CACNA2D2: variants seen among roughly 807,000 people sequenced by gnomAD.
The protein encoded by CACNA2D2 is voltage-dependent calcium channel subunit alpha-2/delta-2.
Under a neutral mutation model 166.4 loss-of-function variants are expected in CACNA2D2, and 48 were observed. The observed-to-expected ratio is 0.29, with a 90% CI of 0.23 to 0.37. The LOEUF is 0.37. Among genes scored for constraint, CACNA2D2 ranks in the 10% least tolerant of loss-of-function variants. The pLI, the probability that CACNA2D2 is intolerant of heterozygous loss-of-function variation, is 1.00. For missense variants in CACNA2D2, 1,122 were observed against 1,433.0 expected (o/e 0.78, Z 3.50); for synonymous variants, 561 against 573.7 (o/e 0.98, Z 0.32).
At position 50,381,005 on chromosome 3, in the gene CACNA2D2, G is replaced by C; in HGVS notation, c.774C>G (p.Arg258=). ...QVFGSATGVT[R]YYPATPWRAP... ...GGGGCTGGTACCTACCCGGGTAGTA[G>C]CGAGTGACTCCTGTGGCGCTGCCGA... The change falls in exon 7 of 38, where the codon CGC becomes CGG. Residue 258 remains arginine, a synonymous_variant. Transcript: ENST00000424201. 1 of 1,613,848 alleles carries C rather than the reference G, an allele frequency of 6.2e-7. No homozygotes were observed.
chr3:50,394,924 A>C (rs1706072212), intron 3 of CACNA2D2, among the ~76,000 whole-genome samples: 1 of 152,192 alleles, frequency 6.6e-6, no homozygotes, highest in Non-Finnish European at 1.5e-5. Context: ...AGGGACAGGA[A>C]GCGCAGTGCT....
chr3:50,490,156 G>A (rs987370527), intron 1 of CACNA2D2, among the ~76,000 whole-genome samples: 1 of 152,006 alleles, frequency 6.6e-6, no homozygotes, highest in Non-Finnish European at 1.5e-5. Context: ...CGGGGCAGAC[G>A]GCTGGGAAGC....
chr3:50,437,440 G>T (rs953124587), intron 2 of CACNA2D2, among the ~76,000 whole-genome samples: 2 of 152,190 alleles, frequency 1.3e-5, no homozygotes, highest in Non-Finnish European at 2.9e-5. Context: ...AAGTGCAGGG[G>T]CTGGTCATGC....
intron 2 of CACNA2D2, among the ~76,000 whole-genome samples, chr3:50,457,824 C>G (rs1032879682): frequency 6.6e-6 from 1 of 152,226 alleles, no homozygotes; most frequent in East Asian, 1.9e-4. Flanking sequence ...CCCTCCTACT[C>G]CCTCAGCTTC....
At chr3:50,373,516 G>A (rs1242885892) in intron 22 of CACNA2D2, among the ~76,000 whole-genome samples, 2 of 112,818 alleles carry the variant, frequency 1.8e-5, no homozygotes, top group Non-Finnish European at 3.7e-5. Flanking sequence ...GAGAAAGCAG[G>A]GAGGGGGAGG....
At position 50,432,001 on chromosome 3, in the gene CACNA2D2, CAAAG is replaced by C. The variant is rs1412460358; in HGVS notation, c.405+2308_405+2311del. Among the ~76,000 whole-genome samples, 218 of 121,840 alleles carry C rather than the reference CAAAG, an allele frequency of 1.8e-3. 1 individual carries two copies. The highest frequency in any genetic ancestry group is 6.0e-3 in the African/African-American group (163 of 27,106). The allele number at this position is 121,840 out of a possible 152,430, so 79.9% of individuals were successfully genotyped here. On this transcript the variant is annotated intron_variant, in intron 3 of 37. Transcript: ENST00000424201. The stretch of plus-strand genomic sequence containing the variant: ...GTCTCAAAAAAAAAAAAAAAAAAAA[CAAAG>C]AAAGAAAAGAAAATAATTTCTGTTT...
chr3:50,428,938 C>A (rs1283395038), intron 3 of CACNA2D2, among the ~76,000 whole-genome samples: 1 of 152,178 alleles, frequency 6.6e-6, no homozygotes, highest in Non-Finnish European at 1.5e-5. Context: ...TGGATTTAAA[C>A]CCTGGTTTTG....
chr3:50,449,988 G>A (rs1559960419), intron 2 of CACNA2D2, among the ~76,000 whole-genome samples: 1 of 152,170 alleles, frequency 6.6e-6, no homozygotes, highest in Non-Finnish European at 1.5e-5. Flanking sequence ...CTCCATGTGA[G>A]GAGGGGTCCA....
At chr3:50,484,451 G>A (rs1295509282) in intron 1 of CACNA2D2, among the ~76,000 whole-genome samples, 1 of 152,128 alleles carries the variant, frequency 6.6e-6, no homozygotes, top group Non-Finnish European at 1.5e-5. Flanking sequence ...AGTCCACCCA[G>A]TGGCCGCACC....
At chr3:50,414,094 G>A (rs1416236799) in intron 3 of CACNA2D2, among the ~76,000 whole-genome samples, 1 of 152,116 alleles carries the variant, frequency 6.6e-6, no homozygotes, top group Non-Finnish European at 1.5e-5. Flanking sequence ...AAATGAGTTA[G>A]ATAGAACCAT....
intron 2 of CACNA2D2, among the ~76,000 whole-genome samples, chr3:50,444,261 G>A (rs1315487651): frequency 6.6e-6 from 1 of 152,198 alleles, no homozygotes; most frequent in Admixed American, 6.5e-5. Context: ...CAGCTGGCTG[G>A]CTTTTCATCT....
chr3:50,469,189 T>C lies in CACNA2D2; in HGVS notation c.288+6929A>G, dbSNP rs962923378. Among the ~76,000 whole-genome samples, 4 of 152,224 alleles carry C rather than the reference T, an allele frequency of 2.6e-5. No individual in the cohort carries two copies. The East Asian group carries it at 5.8e-4, about 22-fold the overall frequency. On this transcript the variant is annotated intron_variant, in intron 2 of 37. Transcript: ENST00000424201. ...GACAAGGTGTCAACTTGTTGACTGA[T>C]TGGAGAAACTGACTCACAGTCTTCC...
At chr3:50,373,683 T>G (rs1169607464) in intron 22 of CACNA2D2, among the ~76,000 whole-genome samples, 253 of 69,954 alleles carry the variant, frequency 3.6e-3, no homozygotes, top group Admixed American at 4.1e-3. Context: ...ATGGAGGAGG[T>G]GAGCAGGAGA....
intron 22 of CACNA2D2, 147 bp downstream of exon 22, chr3:50,374,590 G>A (rs1234753092): frequency 6.6e-6 from 5 of 754,530 alleles, no homozygotes; most frequent in Non-Finnish European, 1.1e-5. Flanking sequence ...CTTTCGAGGT[G>A]CCCCAGCCTG....
At position 50,367,716 on chromosome 3, in the gene CACNA2D2, A is replaced by G; in HGVS notation, c.2235-12T>C. On this transcript the variant is annotated splice_polypyrimidine_tract_variant and intron_variant, in intron 25 of 37. Transcript: ENST00000424201. This position sits in a 1 kb window ranked among gnomAD's most constrained non-coding sequence, Gnocchi z 6.5. ...CCAGTAGGCTGTACCTGGGGGTAGC[A>G]GGGGGGTGGGGTCACAGGCCTGCCT... 2 of 1,611,938 alleles carry G rather than the reference A, an allele frequency of 1.2e-6. No individual in the cohort carries two copies.
At chr3:50,451,212 G>GC (rs1353943076) in intron 2 of CACNA2D2, among the ~76,000 whole-genome samples, 1 of 151,966 alleles carries the variant, frequency 6.6e-6, no homozygotes, top group East Asian at 1.9e-4. Context: ...TGCAACCTCT[G>GC]CCCCCTGGGT....
intron 5 of CACNA2D2, among the ~76,000 whole-genome samples, chr3:50,385,774 G>A (rs1170143033): frequency 3.9e-5 from 6 of 152,198 alleles, no homozygotes; most frequent in Non-Finnish European, 5.9e-5. Context: ...GAGTGGAAGC[G>A]GCCGACTGTG....
Position 50,427,342 on chromosome 3 carries a change from C to T in CACNA2D2, c.405+6971G>A, listed in dbSNP as rs1707849777. Among the ~76,000 whole-genome samples, 1 of 152,260 alleles carries T rather than the reference C, an allele frequency of 6.6e-6. No homozygotes were observed. Among genetic ancestry groups the T allele is most frequent in the Non-Finnish European group, 1.5e-5 (1 of 68,036 alleles). The stretch of plus-strand genomic sequence containing the variant: ...GATTCCCAATCCCCAATGCTTCCCC[C>T]ATCCCTGGGGACCCCCAGCTGGCTC... On this transcript the variant is annotated intron_variant, in intron 3 of 37. Coordinates refer to ENST00000424201, the MANE Select transcript of CACNA2D2 (RefSeq NM_006030.4). This position sits in a 1 kb window ranked among gnomAD's most constrained non-coding sequence, Gnocchi z 4.7.
intron 3 of CACNA2D2, among the ~76,000 whole-genome samples, chr3:50,414,370 C>T (rs181857917): frequency 2.3e-4 from 35 of 152,336 alleles, no homozygotes; most frequent in African/African-American, 7.7e-4. Context: ...TCATCCACAA[C>T]CTGTGGACTC....
Sources: allele counts gnomAD v4.1 joint callset (sites outside exome capture counted in the v4.1 genomes callset), GRCh38; gene constraint gnomAD v4.1.1; non-coding constraint Gnocchi (gnomAD v3.1); transcripts MANE v1.5; gene names NCBI Gene and HGNC (gene_info 2026-07-23, HGNC 2026-07-21).